DLC1: variants seen among roughly 807,000 people sequenced by gnomAD.
The protein encoded by DLC1 is rho GTPase-activating protein 7.
DLC1 carries 54 observed loss-of-function variants against 140.3 expected under a neutral mutation model. That is an observed-to-expected ratio of 0.38 (90% CI 0.31 to 0.48). The LOEUF (loss-of-function observed/expected upper bound fraction) is 0.48. Ranked by LOEUF, DLC1 falls within the 20% of genes least tolerant of loss-of-function variation. The pLI is 0.96. For missense variants in DLC1, 2,536 were observed against 1,907.0 expected (o/e 1.33, Z -6.14); for synonymous variants, 986 against 728.1 (o/e 1.35, Z -5.70).
At chr8:13,143,003 G>A (rs528751462) in intron 5 of DLC1, among the ~76,000 whole-genome samples, 19 of 148,190 alleles carry the variant, frequency 1.3e-4, no homozygotes, top group African/African-American at 4.0e-4. Context: ...AGATTGTGCC[G>A]TTGCGCTCCA....
Position 13,276,513 on chromosome 8 carries a change from G to A in DLC1, c.1348+28756C>T, listed in dbSNP as rs1013378282. 136 of 1,308,688 alleles carry A rather than the reference G, an allele frequency of 1.0e-4. No individual in the cohort carries two copies. The African/African-American group carries it at 2.0e-3, about 19-fold the overall frequency. The allele number at this position is 1,308,688 out of a possible 1,614,324, so 81.1% of individuals were successfully genotyped here. ...CGCCTGCCTTCAGGAGGCCGGCATT[G>A]CGGCTGGCACTGCGGCCCCGGGAAG... On this transcript the variant is annotated intron_variant, in intron 5 of 17. Transcript: ENST00000276297.
chr8:13,327,120 A>ATTTTTTTTT (rs34667525), intron 4 of DLC1, among the ~76,000 whole-genome samples: 1 of 85,660 alleles, frequency 1.2e-5, no homozygotes, highest in Non-Finnish European at 2.1e-5. Context: ...ACACCCGGCT[A>ATTTTTTTTT]TTTTTTTTTT....
At chr8:13,210,900 A>G (rs896364239) in intron 5 of DLC1, among the ~76,000 whole-genome samples, 3 of 152,188 alleles carry the variant, frequency 2.0e-5, no homozygotes, top group African/African-American at 7.2e-5. Flanking sequence ...GTTTTAAATC[A>G]TTTCATCTGT....
At chr8:13,117,312 G>GA (rs768642303) in intron 5 of DLC1, among the ~76,000 whole-genome samples, 57 of 151,926 alleles carry the variant, frequency 3.8e-4, no homozygotes, top group Middle Eastern at 3.4e-3. Context: ...CTCTACCAAA[G>GA]AAAAAAATTA....
intron 5 of DLC1, among the ~76,000 whole-genome samples, chr8:13,143,907 C>A (rs1250730313): frequency 6.6e-6 from 1 of 151,422 alleles, no homozygotes; most frequent in African/African-American, 2.4e-5. Context: ...TTTGAGTTTT[C>A]CCCGGGCAGG....
intron 5 of DLC1, among the ~76,000 whole-genome samples, chr8:13,150,112 G>C (rs1391970504): frequency 6.6e-6 from 1 of 151,614 alleles, no homozygotes; most frequent in Non-Finnish European, 1.5e-5. Flanking sequence ...TGTATGTGCG[G>C]GTGAATATAT....
intron 2 of DLC1, among the ~76,000 whole-genome samples, chr8:13,417,074 G>C (rs1838099852): frequency 6.6e-6 from 1 of 152,074 alleles, no homozygotes; most frequent in Non-Finnish European, 1.5e-5. Context: ...CAACAGAAAT[G>C]TGTCAACAAT....
intron 1 of DLC1, among the ~76,000 whole-genome samples, chr8:13,524,408 T>C (rs1435694323): frequency 6.6e-6 from 1 of 151,904 alleles, no homozygotes; most frequent in Non-Finnish European, 1.5e-5. Context: ...AAAGTGCTGG[T>C]ATTACAGGCG....
chr8:13,188,245 C>G (rs1041465477), intron 5 of DLC1, among the ~76,000 whole-genome samples: 5 of 151,406 alleles, frequency 3.3e-5, no homozygotes, highest in African/African-American at 1.2e-4. Context: ...CCATGCCCAG[C>G]TAATTTTTGT....
intron 5 of DLC1, among the ~76,000 whole-genome samples, chr8:13,284,522 G>A (rs75577465): frequency 0.053 from 8,016 of 151,860 alleles, 251 homozygotes; most frequent in South Asian, 0.13. Flanking sequence ...GCAAGATTCC[G>A]TCTGAAAAAA....
rs1827435496 is a variant in DLC1, at chr8:13,202,364, A to G, written c.1349-86707T>C. Among the ~76,000 whole-genome samples, 5 of 152,242 alleles carry G rather than the reference A, an allele frequency of 3.3e-5. No homozygotes were observed. In the South Asian group the frequency reaches 1.0e-3, roughly 32 times the overall value. On this transcript the variant is annotated intron_variant, in intron 5 of 17. Coordinates refer to ENST00000276297, the MANE Select transcript of DLC1 (RefSeq NM_182643.3). ...TGATACATACGTACATTGTATAATG[A>G]TTAGATCAGATAATTGACATATCCA...
chr8:13,177,184 C>G (rs956666598), intron 5 of DLC1, among the ~76,000 whole-genome samples: 4 of 152,184 alleles, frequency 2.6e-5, no homozygotes, highest in African/African-American at 7.2e-5. Flanking sequence ...ATTGAGTCTA[C>G]TGTCTCTGAA....
upstream of DLC1, among the ~76,000 whole-genome samples, chr8:13,518,648 C>T (rs538912001): frequency 6.6e-6 from 1 of 152,260 alleles, no homozygotes; most frequent in East Asian, 1.9e-4. Context: ...TCACATTAGA[C>T]ATTTGTGATA....
At chr8:13,473,491 G>T (rs1168758444) in intron 2 of DLC1, among the ~76,000 whole-genome samples, 1 of 152,124 alleles carries the variant, frequency 6.6e-6, no homozygotes, top group African/African-American at 2.4e-5. Context: ...CAGTAGAGCG[G>T]GGTGCTGCTG....
upstream of DLC1, among the ~76,000 whole-genome samples, chr8:13,515,140 T>A (rs1802543788): frequency 6.6e-6 from 1 of 152,230 alleles, no homozygotes; most frequent in African/African-American, 2.4e-5. Context: ...TTTCTCTCTA[T>A]CCACAACCTT....
intron 6 of DLC1, among the ~76,000 whole-genome samples, chr8:13,115,279 G>T (rs1281358868): frequency 6.6e-6 from 1 of 152,062 alleles, no homozygotes; most frequent in African/African-American, 2.4e-5. Flanking sequence ...AAATTACTTT[G>T]TAAAAATGTA....
At chr8:13,379,449 C>G (rs932518265) in intron 4 of DLC1, among the ~76,000 whole-genome samples, 4 of 152,202 alleles carry the variant, frequency 2.6e-5, no homozygotes, top group Admixed American at 2.0e-4. Context: ...GCTTATAACA[C>G]TTACATTAAC....
intron 5 of DLC1, among the ~76,000 whole-genome samples, chr8:13,212,933 G>A (rs991160799): frequency 5.3e-5 from 8 of 152,038 alleles, no homozygotes; most frequent in African/African-American, 9.7e-5. Flanking sequence ...ACTGAAGGGC[G>A]CCGTTTAAAT....
intron 5 of DLC1, among the ~76,000 whole-genome samples, chr8:13,131,475 C>G (rs1295728666): frequency 6.6e-6 from 1 of 152,204 alleles, no homozygotes; most frequent in Non-Finnish European, 1.5e-5. Flanking sequence ...GCCGAAACAA[C>G]CTCTGAATCC....
Sources: allele counts gnomAD v4.1 joint callset (sites outside exome capture counted in the v4.1 genomes callset), GRCh38; gene constraint gnomAD v4.1.1; transcripts MANE v1.5; gene names NCBI Gene and HGNC (gene_info 2026-07-23, HGNC 2026-07-21).